The following SPIRE1 variants were observed in gnomAD, a reference collection of about 807,000 sequenced individuals.
SPIRE1 encodes protein spire homolog 1.
A neutral mutation model predicts 94.1 loss-of-function variants in SPIRE1; 40 were observed. The observed-to-expected ratio is 0.43, with a 90% CI of 0.33 to 0.55. The LOEUF (loss-of-function observed/expected upper bound fraction) is 0.55. SPIRE1 is among the 20% of genes least tolerant of loss of function. The pLI is 0.06. For synonymous variants in SPIRE1, 376 were observed against 371.7 expected (o/e 1.01, Z -0.13); for missense variants, 838 against 975.2 (o/e 0.86, Z 1.87).
At chr18:12,469,717 TATATAA>T (rs1374954039) in intron 10 of SPIRE1, among the ~76,000 whole-genome samples, 3 of 144,044 alleles carry the variant, frequency 2.1e-5, no homozygotes, top group African/African-American at 5.0e-5. Context: ...TAAATATATT[TATATAA>T]ATATAATTAT....
intron 2 of SPIRE1, among the ~76,000 whole-genome samples, chr18:12,556,241 T>C (rs1213464831): frequency 6.6e-6 from 1 of 152,064 alleles, no homozygotes; most frequent in African/African-American, 2.4e-5. Context: ...CCCAAAGCTA[T>C]CTTACAGATT....
chr18:12,631,440 G>A (rs1420015569), intron 2 of SPIRE1, among the ~76,000 whole-genome samples: 1 of 150,014 alleles, frequency 6.7e-6, no homozygotes, highest in East Asian at 2.0e-4. Flanking sequence ...GGCTGGGCAA[G>A]GTGCCTCACA....
At chr18:12,471,688 A>C (rs979959673) in intron 10 of SPIRE1, among the ~76,000 whole-genome samples, 1 of 152,214 alleles carries the variant, frequency 6.6e-6, no homozygotes, top group Non-Finnish European at 1.5e-5. Context: ...CATGAGATAC[A>C]TGGACTTCAG....
chr18:12,517,941 G>A (rs866591467), intron 4 of SPIRE1, among the ~76,000 whole-genome samples: 2 of 152,248 alleles, frequency 1.3e-5, no homozygotes, highest in Middle Eastern at 3.4e-3. Context: ...CCTATGCCAT[G>A]TGTACATGTT....
At chr18:12,645,860 G>A (rs1047845875) in intron 1 of SPIRE1, among the ~76,000 whole-genome samples, 2 of 152,040 alleles carry the variant, frequency 1.3e-5, no homozygotes, top group African/African-American at 2.4e-5. Flanking sequence ...CCCAGCCAAC[G>A]TGCCTTTCCA....
At chr18:12,647,010 C>T (rs1412162286) in intron 1 of SPIRE1, among the ~76,000 whole-genome samples, 1 of 150,754 alleles carries the variant, frequency 6.6e-6, no homozygotes, top group Non-Finnish European at 1.5e-5. Flanking sequence ...CAGGATTGCC[C>T]TCCAGCCTGG....
chr18:12,464,749 G>A lies in SPIRE1; in HGVS notation c.1495+119C>T, dbSNP rs896444344. 3 of 739,548 alleles carry A rather than the reference G, an allele frequency of 4.1e-6. No homozygotes were observed. The African/African-American group carries it at 5.3e-5, about 13-fold the overall frequency. 45.8% of individuals were successfully genotyped at this position (739,548 alleles called of 1,614,324 possible). On this transcript the variant is annotated intron_variant, in intron 11 of 16. Transcript: ENST00000409402. ...TATTTCATCTCCCGATCAGTGAAAT[G>A]CCTGAGTTAGTTCTTTCTACCCTAG... is the stretch of plus-strand genomic sequence containing the variant.
intron 2 of SPIRE1, among the ~76,000 whole-genome samples, chr18:12,555,164 C>T (rs944913371): frequency 2.0e-5 from 3 of 152,100 alleles, no homozygotes; most frequent in African/African-American, 7.2e-5. Flanking sequence ...CCCATCTCCT[C>T]AGCTGCAGGC....
chr18:12,526,082 CACACACACACAG>C (rs1430660782), intron 4 of SPIRE1, among the ~76,000 whole-genome samples: 5 of 142,562 alleles, frequency 3.5e-5, no homozygotes, highest in South Asian at 2.5e-4. Flanking sequence ...CACACACACA[CACACACACACAG>C]AGATGTATCT....
intron 4 of SPIRE1, among the ~76,000 whole-genome samples, chr18:12,521,539 G>A (rs1016515474): frequency 1.3e-5 from 2 of 151,942 alleles, no homozygotes; most frequent in African/African-American, 4.8e-5. Context: ...TCATCATGTC[G>A]GCTAGGCTGG....
At chr18:12,493,277 AT>A in intron 7 of SPIRE1, 76 bp from the exon 8 acceptor site, 1 of 1,311,082 alleles carries the variant, frequency 7.6e-7, no homozygotes, top group Non-Finnish European at 1.0e-6. Flanking sequence ...ACAGTACAGT[AT>A]TATAAATTAC....
intron 2 of SPIRE1, among the ~76,000 whole-genome samples, chr18:12,608,612 T>C (rs1289979365): frequency 1.3e-5 from 2 of 152,208 alleles, no homozygotes; most frequent in Non-Finnish European, 2.9e-5. Context: ...TGTTACCCAA[T>C]TGCTCTCTAA....
intron 2 of SPIRE1, among the ~76,000 whole-genome samples, chr18:12,550,825 A>G (rs2035328269): frequency 6.6e-6 from 1 of 152,200 alleles, no homozygotes. Context: ...AGCATCCAAC[A>G]CAAGTGACTC....
intron 2 of SPIRE1, among the ~76,000 whole-genome samples, chr18:12,576,354 T>C (rs986932882): frequency 2.0e-5 from 3 of 151,804 alleles, no homozygotes. Context: ...TCCTGACACT[T>C]TGGGAGGCTG....
chr18:12,548,541 A>C (rs1240214093), intron 2 of SPIRE1, among the ~76,000 whole-genome samples: 1 of 152,166 alleles, frequency 6.6e-6, no homozygotes, highest in East Asian at 1.9e-4. Flanking sequence ...TTTTTTACTG[A>C]AAACATGTAA....
At position 12,449,901 on chromosome 18, in the gene SPIRE1, G is replaced by A. The variant is rs2031141313; in HGVS notation, c.2013-5C>T. 1 of 1,611,994 alleles carries A rather than the reference G, an allele frequency of 6.2e-7. No homozygotes were observed. Among genetic ancestry groups the A allele is most frequent in the East Asian group, 2.2e-5 (1 of 44,856 alleles). On this transcript the variant is annotated splice_polypyrimidine_tract_variant and splice_region_variant and intron_variant, in intron 16 of 16. Transcript: ENST00000409402. The stretch of plus-strand genomic sequence containing the variant: ...GACTTAGATTTTGAGGAGAACCTGG[G>A]GTGAAAACAAAACAGAAGCCCAGCA...
At chr18:12,477,064 T>C (rs2032632403) in intron 10 of SPIRE1, among the ~76,000 whole-genome samples, 1 of 152,174 alleles carries the variant, frequency 6.6e-6, no homozygotes, top group South Asian at 2.1e-4. Context: ...CATCTCAAGA[T>C]TTGGATTTGG....
At chr18:12,659,396 A>G (rs1032928996), upstream of SPIRE1, among the ~76,000 whole-genome samples, 1 of 152,180 alleles carries the variant, frequency 6.6e-6, no homozygotes, top group African/African-American at 2.4e-5. Flanking sequence ...GGCCGTGCGC[A>G]GTGGCTTAGG....
chr18:12,454,884 A>T (rs566449442), intron 12 of SPIRE1, among the ~76,000 whole-genome samples: 4 of 151,820 alleles, frequency 2.6e-5, no homozygotes, highest in Non-Finnish European at 4.4e-5. Flanking sequence ...GACATTACTT[A>T]GTGTTGTGTT....
Sources: gnomAD v4.1 joint callset for allele counts (sites outside exome capture counted in the v4.1 genomes callset) on GRCh38, gnomAD v4.1.1 for gene constraint, MANE v1.5 for transcripts, NCBI Gene and HGNC (gene_info 2026-07-23, HGNC 2026-07-21) for gene names.